Variants in FHDC1 observed in about 807,000 individuals in gnomAD.
FHDC1 encodes the protein FH2 domain-containing protein 1.
In FHDC1, 25 loss-of-function variants were observed where a neutral mutation model predicts 52.6. The ratio of observed to expected loss-of-function variants is 0.48; its 90% CI spans 0.35 to 0.66. The LOEUF (loss-of-function observed/expected upper bound fraction) is 0.66, where lower values mean the gene tolerates loss of function less well. Among genes scored for constraint, FHDC1 ranks in the 30% least tolerant of loss-of-function variants. The probability of loss-of-function intolerance (pLI) is 0.01; values close to 1 mark genes in which losing one functional copy is unlikely to be tolerated. For missense variants in FHDC1, 1,459 were observed against 1,452.8 expected, an observed-to-expected ratio of 1.00 and a Z score of -0.07; for synonymous variants, 616 against 581.5, an observed-to-expected ratio of 1.06 and a Z score of -0.85.
intron 1 of FHDC1, among the ~76,000 whole-genome samples, chr4:152,937,836 C>T (rs987208394): frequency 1.3e-5 from 2 of 152,142 alleles, no homozygotes; most frequent in Non-Finnish European, 2.9e-5. Context: ...CAGCGCGGCT[C>T]CCCGGGGATT....
chr4:152,934,435 G>A (rs1011590873), upstream of FHDC1, among the ~76,000 whole-genome samples: 8 of 152,136 alleles, frequency 5.3e-5, no homozygotes, highest in African/African-American at 1.9e-4. Context: ...ACATTGAAGA[G>A]AAACCCGGAG....
At position 152,943,333 on chromosome 4, in the gene FHDC1, T is replaced by G. The variant is rs1191448155; in HGVS notation, c.276T>G (p.Gly92=). Residue 92 remains glycine (G), a synonymous_variant, in exon 2 of 12, where the codon GGT becomes GGG. Transcript: ENST00000511601. ...TTHMNGYSHL[G]KKKRMRSFFW... The stretch of plus-strand genomic sequence containing the variant: ...ACATGAACGGCTACAGCCACCTTGG[T>G]AAGAAAAAGCGGATGAGAAGCTTTT... 2 of 1,577,532 alleles carry G rather than the reference T, an allele frequency of 1.3e-6. No homozygotes were observed. Among genetic ancestry groups the G allele is most frequent in the South Asian group, 1.1e-5 (1 of 90,228 alleles).
chr4:152,961,531 T>C (rs995637582), intron 6 of FHDC1, among the ~76,000 whole-genome samples: 3 of 152,222 alleles, frequency 2.0e-5, no homozygotes, highest in Non-Finnish European at 4.4e-5. Flanking sequence ...TCTGGCATCT[T>C]GGCACTGAGA....
chr4:152,962,762 C>A, intron 6 of FHDC1, 52 bp from the exon 7 acceptor site: 2 of 1,453,260 alleles, frequency 1.4e-6, no homozygotes, highest in Non-Finnish European at 1.9e-6. Flanking sequence ...GTCTTTTGTG[C>A]ATTTGAAACT....
At chr4:152,936,179 G>A (rs992940997), upstream of FHDC1, among the ~76,000 whole-genome samples, 2 of 152,116 alleles carry the variant, frequency 1.3e-5, no homozygotes, top group African/African-American at 4.8e-5. Flanking sequence ...GGTGGAAGGG[G>A]AGGCGAGGGA....
chr4:152,921,865 G>C, the FHDC1 span, among the ~76,000 whole-genome samples: 1 of 152,130 alleles, frequency 6.6e-6, no homozygotes, highest in South Asian at 2.1e-4. Flanking sequence ...GCAGTGTGTA[G>C]AGGGAAATTT....
chr4:152,946,557 A>G (rs578003105), intron 2 of FHDC1, among the ~76,000 whole-genome samples: 1 of 152,302 alleles, frequency 6.6e-6, no homozygotes, highest in African/African-American at 2.4e-5. Flanking sequence ...AAATCTTCCA[A>G]CTCACTTTGC....
Position 152,977,616 on chromosome 4 carries a change from T to C in FHDC1, c.*893T>C, listed in dbSNP as rs972169053. On this transcript the variant is annotated 3_prime_UTR_variant, in exon 12 of 12. Coordinates refer to ENST00000511601, the MANE Select transcript of FHDC1 (RefSeq NM_001371116.1). ...CACCACCACGCCTGGTTAATTGTTT[T>C]TTTTTAATTTATCTTTTGTAGAGAT... 2.6e-5 allele frequency: 4 copies of C among 151,676 alleles called. No homozygotes were observed. The highest frequency in any genetic ancestry group is 5.9e-5 in the Non-Finnish European group (4 of 67,912). The allele number at this position is 151,676 out of a possible 1,614,324, so 9.4% of individuals were successfully genotyped here.
At chr4:152,937,778 G>GTA (rs1390279748) in intron 1 of FHDC1, among the ~76,000 whole-genome samples, 1 of 152,108 alleles carries the variant, frequency 6.6e-6, no homozygotes, top group Non-Finnish European at 1.5e-5. Flanking sequence ...CGCAGCTGGG[G>GTA]CTCCGCGCGG....
intron 10 of FHDC1, among the ~76,000 whole-genome samples, chr4:152,968,797 G>C (rs995702248): frequency 6.6e-6 from 1 of 152,166 alleles, no homozygotes; most frequent in Non-Finnish European, 1.5e-5. Context: ...TAAACTTTCG[G>C]ATAACAGAAC....
chr4:152,952,769 T>C (rs1464845900), intron 2 of FHDC1, among the ~76,000 whole-genome samples: 1 of 152,210 alleles, frequency 6.6e-6, no homozygotes, highest in Non-Finnish European at 1.5e-5. Context: ...TGACTGACTT[T>C]ACAGATACTT....
the FHDC1 span, among the ~76,000 whole-genome samples, chr4:152,924,614 T>C: frequency 1.3e-5 from 2 of 152,158 alleles, no homozygotes; most frequent in African/African-American, 4.8e-5. Flanking sequence ...CCAACCCAAA[T>C]GTCCAACAGT....
intron 11 of FHDC1, among the ~76,000 whole-genome samples, chr4:152,973,876 C>T (rs1740752225): frequency 6.6e-6 from 1 of 152,180 alleles, no homozygotes; most frequent in Non-Finnish European, 1.5e-5. Context: ...GGTGCAGTTT[C>T]GATGGGAAGG....
At position 152,976,177 on chromosome 4, in the gene FHDC1, C is replaced by G; in HGVS notation, c.2886C>G (p.Ser962Arg). The G allele has an allele frequency of 6.2e-7, 1 of 1,611,988 alleles. No homozygotes were observed. Among genetic ancestry groups the G allele is most frequent in the African/African-American group, 1.3e-5 (1 of 75,020 alleles). The change falls in exon 12 of 12, where the codon AGC (serine) becomes AGG (arginine). Residue 962 changes from serine to arginine, a missense_variant. Ser to Arg is a moderately radical substitution (Grantham distance 110). Transcript: ENST00000511601. ...AEEQRLPRGS[S>R]GSSSTRPGRD... ...AGCAGAGGCTGCCGCGGGGGAGCAG[C>G]GGCTCCAGCAGCACCCGTCCGGGGA...
At chr4:152,933,197 C>G (rs1739280437), upstream of FHDC1, among the ~76,000 whole-genome samples, 1 of 152,218 alleles carries the variant, frequency 6.6e-6, no homozygotes, top group South Asian at 2.1e-4. Flanking sequence ...GCCACGAATG[C>G]CAGTAGCTGG....
intron 1 of FHDC1, among the ~76,000 whole-genome samples, chr4:152,940,725 G>T (rs1316083376): frequency 6.6e-6 from 1 of 152,180 alleles, no homozygotes; most frequent in Non-Finnish European, 1.5e-5. Flanking sequence ...GGAATTGGAG[G>T]TAAATTGGAG....
chr4:152,938,868 C>G (rs1010727669), intron 1 of FHDC1, among the ~76,000 whole-genome samples: 1 of 152,144 alleles, frequency 6.6e-6, no homozygotes, highest in East Asian at 1.9e-4. Context: ...GCACCAGGAC[C>G]GCTGGTGCAG....
rs767644261 is a variant in FHDC1 at position 152,975,408 on chromosome 4, T to C, written c.2117T>C (p.Leu706Pro). Residue 706 changes from leucine (L) to proline (P), a missense_variant, in exon 12 of 12, where the codon CTA (leucine) becomes CCA (proline). Physicochemically the swap from Leu to Pro is moderately conservative, Grantham distance 98. Coordinates refer to ENST00000511601, the MANE Select transcript of FHDC1 (RefSeq NM_001371116.1). ...CTGAGTGACTTCAGCCCGATGGAGC[T>C]AGAGTCTGTGGGGCATAGGGGCCCG... ...LTLSDFSPME[L>P]ESVGHRGPQS... is the part of the protein sequence containing the mutation. The C allele has an allele frequency of 1.2e-6, 2 of 1,613,570 alleles. No individual in the cohort carries two copies. The highest frequency in any genetic ancestry group is 2.2e-5 in the South Asian group (2 of 91,084).
At position 152,968,088 on chromosome 4, in the gene FHDC1, T is replaced by C. The variant is rs1740519358; in HGVS notation, c.1209T>C (p.Asp403=). 4 of 1,612,840 alleles carry C rather than the reference T, an allele frequency of 2.5e-6. No homozygotes were observed. Among genetic ancestry groups the C allele is most frequent in the Non-Finnish European group, 8.5e-7 (1 of 1,179,356 alleles). ...GTGAACTTTGTCAGCAGATGGAAGATTTTCTTCAGGTTTGTAGGTGACTCA... is the reference window on the plus strand; with the variant it reads ...GTGAACTTTGTCAGCAGATGGAAGACTTTCTTCAGGTTTGTAGGTGACTCA... The part of the protein sequence containing the change: ...RDGELCQQME[D]FLQFAIEKLR... Residue 403 remains aspartate, a synonymous_variant, in exon 10 of 12, where the codon GAT becomes GAC. Coordinates refer to ENST00000511601, the MANE Select transcript of FHDC1 (RefSeq NM_001371116.1).
Sources: allele counts gnomAD v4.1 joint callset (sites outside exome capture counted in the v4.1 genomes callset), GRCh38; gene constraint gnomAD v4.1.1; transcripts MANE v1.5; gene names NCBI Gene and HGNC (gene_info 2026-07-23, HGNC 2026-07-21).